The following DPP6 variants were observed in gnomAD, a reference collection of about 807,000 sequenced individuals.
The protein encoded by DPP6 is dipeptidyl peptidase like 6, also known as A-type potassium channel modulatory protein DPP6.
In DPP6, 69 loss-of-function variants were observed where a neutral mutation model predicts 122.6. That is an observed-to-expected ratio of 0.56 (90% CI 0.46 to 0.69). The LOEUF is 0.69. DPP6 is among the 30% of genes least tolerant of loss of function. DPP6 has a pLI of 0.00. For missense variants in DPP6, 928 were observed against 1,116.9 expected, an observed-to-expected ratio of 0.83 and a Z score of 2.41; for synonymous variants, 418 against 433.1, an observed-to-expected ratio of 0.97 and a Z score of 0.43.
chr7:154,519,965 TAATC>T (rs1279921562), intron 3 of DPP6, among the ~76,000 whole-genome samples: 4 of 152,206 alleles, frequency 2.6e-5, no homozygotes, highest in Non-Finnish European at 2.9e-5. Flanking sequence ...TGATCTCAAT[TAATC>T]AGCACAGTAA....
intron 1 of DPP6, among the ~76,000 whole-genome samples, chr7:153,924,199 C>G (rs1284633901): frequency 2.6e-5 from 4 of 151,948 alleles, no homozygotes; most frequent in African/African-American, 9.7e-5. Flanking sequence ...ATCTCCGCCT[C>G]CTGAGTTCAA....
intron 1 of DPP6, among the ~76,000 whole-genome samples, chr7:153,998,665 T>G (rs1797554909): frequency 6.6e-6 from 1 of 152,184 alleles, no homozygotes; most frequent in Non-Finnish European, 1.5e-5. Context: ...TTTTTCTTCA[T>G]GGTATTTATA....
At chr7:154,653,355 A>G (rs1411127390) in intron 6 of DPP6, among the ~76,000 whole-genome samples, 1 of 152,150 alleles carries the variant, frequency 6.6e-6, no homozygotes, top group Non-Finnish European at 1.5e-5. Flanking sequence ...CTCTAAACAT[A>G]GATAGATAGA....
At chr7:154,427,920 T>C (rs13225765) in intron 1 of DPP6, among the ~76,000 whole-genome samples, 85,297 of 152,196 alleles carry the variant, frequency 0.56, 26,741 homozygotes, top group South Asian at 0.68. Context: ...CAGAACATTT[T>C]ATTAAGCAAG....
At chr7:154,264,135 A>C (rs2150920655) in intron 1 of DPP6, among the ~76,000 whole-genome samples, 1 of 152,338 alleles carries the variant, frequency 6.6e-6, no homozygotes, top group South Asian at 2.1e-4. Flanking sequence ...GTTGTGCTGC[A>C]AAGTGGCCTT....
At chr7:154,834,911 G>C (rs1287935856) in intron 16 of DPP6, among the ~76,000 whole-genome samples, 1 of 152,168 alleles carries the variant, frequency 6.6e-6, no homozygotes, top group East Asian at 1.9e-4. Context: ...TTGTGATAGT[G>C]ACTGCTTCTG....
At chr7:154,715,491 G>C (rs569451957) in intron 7 of DPP6, among the ~76,000 whole-genome samples, 16 of 152,284 alleles carry the variant, frequency 1.1e-4, no homozygotes, top group African/African-American at 3.9e-4. Context: ...CTTATCATTG[G>C]AACACTTGCT....
At chr7:154,711,907 A>G (rs1245205063) in intron 7 of DPP6, among the ~76,000 whole-genome samples, 1 of 151,432 alleles carries the variant, frequency 6.6e-6, no homozygotes, top group Non-Finnish European at 1.5e-5. Context: ...GAATTGGTTT[A>G]AGAAATATTA....
At chr7:154,728,705 G>A (rs537609541) in intron 8 of DPP6, among the ~76,000 whole-genome samples, 9 of 152,172 alleles carry the variant, frequency 5.9e-5, no homozygotes, top group Non-Finnish European at 1.2e-4. Context: ...CTGAAGCCTG[G>A]GAAGTCCAAG....
chr7:153,905,427 A>T (rs1799807518), intron 1 of DPP6, among the ~76,000 whole-genome samples: 1 of 152,092 alleles, frequency 6.6e-6, no homozygotes, highest in Admixed American at 6.6e-5. Flanking sequence ...AAGCAGATTG[A>T]GATTATTATT....
At chr7:154,714,832 A>T (rs1389479109) in intron 7 of DPP6, among the ~76,000 whole-genome samples, 2 of 152,212 alleles carry the variant, frequency 1.3e-5, no homozygotes, top group South Asian at 2.1e-4. Context: ...TGAAAATGTC[A>T]TGTATTTTGT....
intron 1 of DPP6, among the ~76,000 whole-genome samples, chr7:154,365,408 T>A (rs921282416): frequency 1.3e-5 from 2 of 152,216 alleles, no homozygotes; most frequent in Admixed American, 6.5e-5. Flanking sequence ...TGGTCAAAGC[T>A]GAGAAACAAA....
chr7:154,837,222 GCACA>G (rs543706657), intron 16 of DPP6, among the ~76,000 whole-genome samples: 26 of 147,202 alleles, frequency 1.8e-4, no homozygotes, highest in South Asian at 1.3e-3. Context: ...GCACACACAT[GCACA>G]CACACACGCA....
chr7:154,298,820 G>A (rs1003369288), intron 1 of DPP6, among the ~76,000 whole-genome samples: 5 of 152,084 alleles, frequency 3.3e-5, no homozygotes, highest in Non-Finnish European at 5.9e-5. Context: ...ACAGACTTTG[G>A]ACCAAGTTCA....
At chr7:154,201,258 G>A in intron 1 of DPP6, among the ~76,000 whole-genome samples, 1 of 152,104 alleles carries the variant, frequency 6.6e-6, no homozygotes, top group Non-Finnish European at 1.5e-5. Context: ...CTGCCGAGTA[G>A]CTGGGATTAC....
At chr7:154,492,581 G>C (rs893273097) in intron 3 of DPP6, among the ~76,000 whole-genome samples, 2 of 152,128 alleles carry the variant, frequency 1.3e-5, no homozygotes, top group African/African-American at 4.8e-5. Context: ...ACCGCACCGG[G>C]TGTTATGAGT....
At chr7:154,715,495 A>T (rs1029711812) in intron 7 of DPP6, among the ~76,000 whole-genome samples, 7 of 152,258 alleles carry the variant, frequency 4.6e-5, no homozygotes, top group Non-Finnish European at 1.0e-4. Flanking sequence ...TCATTGGAAC[A>T]CTTGCTAATA....
At chr7:154,103,009 G>A (rs1188765036) in intron 1 of DPP6, among the ~76,000 whole-genome samples, 4 of 152,042 alleles carry the variant, frequency 2.6e-5, no homozygotes, top group Admixed American at 2.6e-4. Flanking sequence ...AGCCCCATGG[G>A]GTCAGAGGGT....
intron 1 of DPP6, among the ~76,000 whole-genome samples, chr7:154,008,701 G>A (rs1352456374): frequency 2.3e-5 from 3 of 131,278 alleles, no homozygotes; most frequent in Non-Finnish European, 3.1e-5. Context: ...TCGCTCTGTC[G>A]CCCAGGCTGG....
Sources: allele counts gnomAD v4.1 joint callset (sites outside exome capture counted in the v4.1 genomes callset), GRCh38; gene constraint gnomAD v4.1.1; transcripts MANE v1.5; gene names NCBI Gene and HGNC (gene_info 2026-07-23, HGNC 2026-07-21).